Variants in CDH4 observed in about 807,000 individuals in gnomAD.
CDH4 encodes cadherin 4, also known as cadherin-4.
Under a neutral mutation model 86.0 loss-of-function variants are expected in CDH4, and 33 were observed. The ratio of observed to expected loss-of-function variants is 0.38; its 90% CI spans 0.29 to 0.51. The LOEUF is 0.51. Ranked by LOEUF, CDH4 falls within the 20% of genes least tolerant of loss-of-function variation. The pLI is 0.86. For synonymous variants in CDH4, 555 were observed against 549.4 expected (o/e 1.01, Z -0.14); for missense variants, 1,114 against 1,307.4 (o/e 0.85, Z 2.28).
intron 2 of CDH4, among the ~76,000 whole-genome samples, chr20:61,299,370 C>T (rs897697829): frequency 6.6e-6 from 1 of 152,192 alleles, no homozygotes; most frequent in Non-Finnish European, 1.5e-5. Context: ...CGTCAAACTC[C>T]TGGGCTCCAG....
intron 2 of CDH4, among the ~76,000 whole-genome samples, chr20:61,396,294 G>C (rs1439018286): frequency 6.6e-6 from 1 of 152,130 alleles, no homozygotes; most frequent in Non-Finnish European, 1.5e-5. Flanking sequence ...CAGGGCCCTT[G>C]AAGACCGAGG....
chr20:61,471,802 A>G (rs991342901), intron 2 of CDH4, among the ~76,000 whole-genome samples: 1 of 151,796 alleles, frequency 6.6e-6, no homozygotes, highest in Non-Finnish European at 1.5e-5. Context: ...TTTAATTTCC[A>G]TGTGTTTGTA....
In CDH4 at chr20:61,544,277, G is replaced by T. The variant is rs1193227347; in HGVS notation, c.170-199286G>T. On this transcript the variant is annotated intron_variant, in intron 2 of 15. Coordinates refer to ENST00000614565, the MANE Select transcript of CDH4 (RefSeq NM_001794.5). The surrounding 1 kb of genome is among the most constrained non-coding windows in gnomAD (Gnocchi z 6.5). ...GCGGGGTACGGCTGACATCGAGCGG[G>T]TGGAGGCTGGGTACGGCTAAACACC... Among the ~76,000 whole-genome samples the T allele has an allele frequency of 6.6e-6, 1 of 152,100 alleles. No homozygotes were observed. Among genetic ancestry groups the T allele is most frequent in the Non-Finnish European group, 1.5e-5 (1 of 68,018 alleles).
intron 2 of CDH4, among the ~76,000 whole-genome samples, chr20:61,610,803 A>G (rs1241180213): frequency 6.6e-6 from 1 of 152,062 alleles, no homozygotes; most frequent in African/African-American, 2.4e-5. Flanking sequence ...ATACGAATCC[A>G]TTTCCTGAGC....
chr20:61,889,177 C>T (rs373734021), intron 7 of CDH4, among the ~76,000 whole-genome samples: 11 of 152,318 alleles, frequency 7.2e-5, no homozygotes, highest in African/African-American at 1.9e-4. Context: ...CTTGCACTTC[C>T]GTAGAAGCCT....
intron 6 of CDH4, among the ~76,000 whole-genome samples, chr20:61,861,409 A>G (rs2146128870): frequency 6.6e-6 from 1 of 152,332 alleles, no homozygotes; most frequent in Non-Finnish European, 1.5e-5. Flanking sequence ...AACATGAGGA[A>G]GTGAAGGCAC....
At chr20:61,862,463 G>C (rs1320992763) in intron 6 of CDH4, among the ~76,000 whole-genome samples, 1 of 152,204 alleles carries the variant, frequency 6.6e-6, no homozygotes, top group African/African-American at 2.4e-5. Context: ...GGACAGGTGG[G>C]GTCCACACAG....
At chr20:61,599,537 C>T (rs1315028981) in intron 2 of CDH4, among the ~76,000 whole-genome samples, 1 of 152,204 alleles carries the variant, frequency 6.6e-6, no homozygotes, top group African/African-American at 2.4e-5. Context: ...CAAGGGGATA[C>T]GTGGAAGACA....
chr20:61,453,496 A>G (rs1307002508), intron 2 of CDH4, among the ~76,000 whole-genome samples: 1 of 151,938 alleles, frequency 6.6e-6, no homozygotes, highest in Non-Finnish European at 1.5e-5. Flanking sequence ...ATTACCACCC[A>G]CTTCTTAGGT....
intron 2 of CDH4, among the ~76,000 whole-genome samples, chr20:61,485,924 C>G (rs1254049971): frequency 1.3e-5 from 2 of 152,208 alleles, no homozygotes; most frequent in Non-Finnish European, 2.9e-5. Flanking sequence ...CCAACACACG[C>G]ACCCACTAAT....
At chr20:61,935,070 G>GA (rs2123017781) in intron 15 of CDH4, among the ~76,000 whole-genome samples, 1 of 152,342 alleles carries the variant, frequency 6.6e-6, no homozygotes, top group Admixed American at 6.5e-5. Context: ...TCCGGGCAGT[G>GA]ACTCTGAGGC....
chr20:61,472,283 T>C (rs964468692), intron 2 of CDH4, among the ~76,000 whole-genome samples: 6 of 152,258 alleles, frequency 3.9e-5, no homozygotes, highest in Non-Finnish European at 8.8e-5. Flanking sequence ...CTTATACTTT[T>C]TGTCTTGAAA....
chr20:61,695,763 G>A (rs1213325642), intron 2 of CDH4, among the ~76,000 whole-genome samples: 1 of 152,332 alleles, frequency 6.6e-6, no homozygotes, highest in African/African-American at 2.4e-5. Context: ...AGCTGGGGAC[G>A]CTCGGTTCCC....
intron 2 of CDH4, among the ~76,000 whole-genome samples, chr20:61,419,990 G>A (rs1384828558): frequency 6.6e-6 from 1 of 152,214 alleles, no homozygotes; most frequent in East Asian, 1.9e-4. Context: ...TATTTGCAAA[G>A]CCTGTGCATT....
chr20:61,604,234 C>A (rs961883283), intron 2 of CDH4, among the ~76,000 whole-genome samples: 1 of 152,186 alleles, frequency 6.6e-6, no homozygotes, highest in Non-Finnish European at 1.5e-5. Flanking sequence ...TGACTGTCTC[C>A]GGAGTAACAG....
intron 6 of CDH4, among the ~76,000 whole-genome samples, chr20:61,862,437 G>A (rs1381264657): frequency 1.3e-5 from 2 of 152,172 alleles, no homozygotes; most frequent in Non-Finnish European, 1.5e-5. Context: ...CCTCCTTGGC[G>A]GGGGCGGTCC....
rs1328843884 is a variant in CDH4 at position 61,565,353 on chromosome 20, T to TA, written c.170-178210_170-178209insA. The stretch of plus-strand genomic sequence containing the variant: ...GTGATGGTGGTAGTGGTCCTCTTGG[T>TA]GATGGGGTGATGGTGGTGGTGGTCC... On this transcript the variant is annotated intron_variant, in intron 2 of 15. Coordinates refer to ENST00000614565, the MANE Select transcript of CDH4 (RefSeq NM_001794.5). Among the ~76,000 whole-genome samples, 20 of 51,568 alleles carry TA rather than the reference T, an allele frequency of 3.9e-4. 3 individuals carry two copies. Among genetic ancestry groups the TA allele is most frequent in the Admixed American group, 1.0e-3 (5 of 4,808 alleles). 33.8% of individuals were successfully genotyped at this position (51,568 alleles called of 152,430 possible). A position where few individuals can be genotyped will look rare whatever the true frequency, so the allele number is the denominator to read the frequency against.
intron 2 of CDH4, among the ~76,000 whole-genome samples, chr20:61,696,058 C>T (rs2087711880): frequency 6.6e-6 from 1 of 152,200 alleles, no homozygotes; most frequent in Non-Finnish European, 1.5e-5. Context: ...TCTGTCCCAC[C>T]TGCGTTTCCT....
At chr20:61,653,717 C>CG (rs2087153658) in intron 2 of CDH4, among the ~76,000 whole-genome samples, 1 of 115,610 alleles carries the variant, frequency 8.6e-6, no homozygotes, top group Non-Finnish European at 2.0e-5. Context: ...GGGTCGCAGC[C>CG]GGGCAGAGGC....
Sources: allele counts gnomAD v4.1 joint callset (sites outside exome capture counted in the v4.1 genomes callset), GRCh38; gene constraint gnomAD v4.1.1; non-coding constraint Gnocchi (gnomAD v3.1); transcripts MANE v1.5; gene names NCBI Gene and HGNC (gene_info 2026-07-23, HGNC 2026-07-21).